FSCN2: variants seen among roughly 807,000 people sequenced by gnomAD.
The protein encoded by FSCN2 is fascin-2.
Under a neutral mutation model 37.8 loss-of-function variants are expected in FSCN2, and 46 were observed. The observed-to-expected ratio is 1.22, with a 90% CI of 0.96 to 1.56. The LOEUF (loss-of-function observed/expected upper bound fraction) is 1.56, where lower values mean the gene tolerates loss of function less well. Among genes scored for constraint, FSCN2 ranks in the 40% most tolerant of loss-of-function variants. The probability of loss-of-function intolerance (pLI) is 0.00; values close to 1 mark genes in which losing one functional copy is unlikely to be tolerated. For synonymous variants in FSCN2, 351 were observed against 309.4 expected (o/e 1.13, Z -1.41); for missense variants, 844 against 730.4 (o/e 1.16, Z -1.79).
chr17:81,536,360 C>T, intron 3 of FSCN2, 93 bp downstream of exon 3: 1 of 1,477,768 alleles, frequency 6.8e-7, no homozygotes, highest in Non-Finnish European at 9.1e-7. Context: ...AAGAGCTGGA[C>T]CCTCCCCAGC....
upstream of FSCN2, among the ~76,000 whole-genome samples, chr17:81,524,643 G>A (rs1040970325): frequency 6.6e-6 from 1 of 152,196 alleles, no homozygotes; most frequent in Non-Finnish European, 1.5e-5. Flanking sequence ...GGTGCTTCCT[G>A]TTGCCTGAGA....
the FSCN2 span, among the ~76,000 whole-genome samples, chr17:81,515,937 G>A: frequency 9.2e-5 from 14 of 152,370 alleles, no homozygotes; most frequent in African/African-American, 3.1e-4. Flanking sequence ...CTCTGTCTCC[G>A]GGGTTCAAGC....
chr17:81,525,431 A>AAAAAAAAAAAAAAAAAAAAAC (rs2032322808), upstream of FSCN2, among the ~76,000 whole-genome samples: 1 of 148,878 alleles, frequency 6.7e-6, no homozygotes, highest in Non-Finnish European at 1.5e-5. Flanking sequence ...GTCTCAAAAA[A>AAAAAAAAAAAAAAAAAAAAAC]AAAAAAAAAG....
intron 1 of FSCN2, among the ~76,000 whole-genome samples, chr17:81,532,460 GGTGATGGTGGTGGTGGTGATGATA>G (rs1836836064): frequency 7.0e-6 from 1 of 143,210 alleles, no homozygotes; most frequent in Admixed American, 6.9e-5. Context: ...TGATGGTGGT[GGTGATGGTGGTGGTGGTGATGATA>G]GTGATGGTGA....
upstream of FSCN2, among the ~76,000 whole-genome samples, chr17:81,526,096 C>T (rs981193813): frequency 3.9e-5 from 6 of 152,236 alleles, no homozygotes; most frequent in African/African-American, 9.6e-5. Context: ...CACTTAGTGC[C>T]GGGCGGCCAG....
At chr17:81,524,699 G>T (rs2032295638), upstream of FSCN2, among the ~76,000 whole-genome samples, 1 of 152,050 alleles carries the variant, frequency 6.6e-6, no homozygotes, top group Admixed American at 6.5e-5. Context: ...ATGCTCTTGT[G>T]AGTTGTGTAT....
Position 81,537,090 on chromosome 17 carries a change from C to T in FSCN2, c.*10C>T. ...GCTTTGGGAGTACTGAGGCCGCGCC[C>T]AGACCAGCCTGTCGCGCATTAAAAC... On this transcript the variant is annotated 3_prime_UTR_variant, in exon 5 of 5. Transcript: ENST00000417245. The T allele has an allele frequency of 2.1e-6, 3 of 1,417,852 alleles. No individual in the cohort carries two copies. Among genetic ancestry groups the T allele is most frequent in the Non-Finnish European group, 9.2e-7 (1 of 1,092,536 alleles). 87.8% of individuals were successfully genotyped at this position (1,417,852 alleles called of 1,614,324 possible).
chr17:81,518,897 C>T, the FSCN2 span: 8 of 152,282 alleles, frequency 5.3e-5, no homozygotes, highest in African/African-American at 1.9e-4. Flanking sequence ...CTAAGGGCTG[C>T]CTCTTGTCTG....
At chr17:81,517,797 A>C in the FSCN2 span, among the ~76,000 whole-genome samples, 41 of 126,340 alleles carry the variant, frequency 3.2e-4, no homozygotes, top group South Asian at 0.011. Flanking sequence ...TCCTCCCCAG[A>C]GGCAGCGAGG....
At chr17:81,522,682 C>T in the FSCN2 span, among the ~76,000 whole-genome samples, 19 of 151,416 alleles carry the variant, frequency 1.3e-4, no homozygotes, top group African/African-American at 3.9e-4. Flanking sequence ...GATGCAGGTT[C>T]GCAGGGGCTG....
the FSCN2 span, among the ~76,000 whole-genome samples, chr17:81,519,378 C>T: frequency 6.6e-6 from 1 of 152,142 alleles, no homozygotes; most frequent in Non-Finnish European, 1.5e-5. Context: ...GCACGCACTT[C>T]CCCCGCCGAG....
upstream of FSCN2, among the ~76,000 whole-genome samples, chr17:81,526,205 C>G (rs1427670154): frequency 8.5e-5 from 13 of 152,234 alleles, no homozygotes; most frequent in Admixed American, 3.3e-4. Context: ...CGCCTGGGCT[C>G]CTCCTCAGCC....
rs1342490728 is a variant in FSCN2, at chr17:81,536,660, C to G, written c.1144C>G (p.Pro382Ala). The G allele has an allele frequency of 1.9e-6, 3 of 1,611,040 alleles. No homozygotes were observed. Among genetic ancestry groups the G allele is most frequent in the Non-Finnish European group, 2.5e-6 (3 of 1,179,620 alleles). The change falls in exon 4 of 5, where the codon CCC becomes GCC. Residue 382 changes from proline to alanine, a missense_variant. Coordinates refer to ENST00000417245, the MANE Select transcript of FSCN2 (RefSeq NM_012418.4). ...GTTCACCCTCAAGCTCATCAACCGG[C>G]CCATCCTGGTGCTGCGCGGCCTGGA... is the stretch of plus-strand genomic sequence containing the variant. ...EEFTLKLINR[P>A]ILVLRGLDGF... is the part of the protein sequence containing the mutation.
upstream of FSCN2, among the ~76,000 whole-genome samples, chr17:81,523,464 G>A (rs1485642517): frequency 6.6e-6 from 1 of 152,266 alleles, no homozygotes; most frequent in Non-Finnish European, 1.5e-5. Context: ...CCAGGCTGCA[G>A]GTCTGTGCTC....
chr17:81,518,797 C>A, the FSCN2 span, among the ~76,000 whole-genome samples: 1 of 152,224 alleles, frequency 6.6e-6, no homozygotes, highest in African/African-American at 2.4e-5. Context: ...CCAGGTGTCT[C>A]CACTCGAGGG....
intron 1 of FSCN2, among the ~76,000 whole-genome samples, chr17:81,533,249 G>A (rs1292976780): frequency 1.3e-5 from 2 of 152,206 alleles, no homozygotes; most frequent in Admixed American, 6.5e-5. Flanking sequence ...CCATCGGCCA[G>A]AGCCTGCTCA....
intron 1 of FSCN2, among the ~76,000 whole-genome samples, chr17:81,533,259 AT>A (rs2032756415): frequency 6.6e-6 from 1 of 152,258 alleles, no homozygotes; most frequent in African/African-American, 2.4e-5. Flanking sequence ...GAGCCTGCTC[AT>A]TTCTGCCAAC....
rs1260340152 is a variant in FSCN2, at chr17:81,537,117, G to C, written c.*37G>C. 3 of 1,360,684 alleles carry C rather than the reference G, an allele frequency of 2.2e-6. No individual in the cohort carries two copies. Among genetic ancestry groups the C allele is most frequent in the South Asian group, 1.6e-5 (1 of 61,422 alleles). The allele number at this position is 1,360,684 out of a possible 1,614,324, so 84.3% of individuals were successfully genotyped here. ...GACCAGCCTGTCGCGCATTAAAACC[G>C]TGTCTCTCCCGCAGCTGTGGGTGGG... On this transcript the variant is annotated 3_prime_UTR_variant, in exon 5 of 5. Transcript: ENST00000417245.
rs779515368 is a variant in FSCN2, at chr17:81,537,089, C to G, written c.*9C>G. On this transcript the variant is annotated 3_prime_UTR_variant, in exon 5 of 5. Transcript: ENST00000417245. ...CGCTTTGGGAGTACTGAGGCCGCGC[C>G]CAGACCAGCCTGTCGCGCATTAAAA... The G allele has an allele frequency of 2.1e-6, 3 of 1,417,896 alleles. No individual in the cohort carries two copies. Among genetic ancestry groups the G allele is most frequent in the Admixed American group, 6.6e-5 (2 of 30,230 alleles). 87.8% of individuals were successfully genotyped at this position (1,417,896 alleles called of 1,614,324 possible). A position where few individuals can be genotyped will look rare whatever the true frequency, so the allele number is the denominator to read the frequency against.
Sources: allele counts gnomAD v4.1 joint callset (sites outside exome capture counted in the v4.1 genomes callset), GRCh38; gene constraint gnomAD v4.1.1; transcripts MANE v1.5; gene names NCBI Gene and HGNC (gene_info 2026-07-23, HGNC 2026-07-21).